The following PTPRG variants were observed in gnomAD, a reference collection of about 807,000 sequenced individuals.
PTPRG encodes receptor-type tyrosine-protein phosphatase gamma.
PTPRG carries 102 observed loss-of-function variants against 165.3 expected under a neutral mutation model. That is an observed-to-expected ratio of 0.62 (90% CI 0.53 to 0.73). PTPRG has a LOEUF of 0.73. PTPRG is among the 30% of genes least tolerant of loss of function. The probability of loss-of-function intolerance (pLI) is 0.00; values close to 1 mark genes in which losing one functional copy is unlikely to be tolerated. For missense variants in PTPRG, 1,866 were observed against 1,861.4 expected (o/e 1.00, Z -0.05); for synonymous variants, 675 against 669.5 (o/e 1.01, Z -0.13).
chr3:62,203,811 C>G lies in PTPRG; in HGVS notation c.2016C>G (p.Thr672=). The change falls in exon 12 of 30, where the codon ACC becomes ACG. Residue 672 remains threonine, a synonymous_variant. Coordinates refer to ENST00000474889, the MANE Select transcript of PTPRG (RefSeq NM_002841.4). This position sits in a 1 kb window ranked among gnomAD's most constrained non-coding sequence, Gnocchi z 6.4. ...CAGGCCTGGACCCCGACATGGTCAC[C>G]TCCACCCAAGTGCCCCCCACCGCCA... The part of the protein sequence containing the change: ...AGPGLDPDMV[T]STQVPPTATE... 1 of 1,613,992 alleles carries G rather than the reference C, an allele frequency of 6.2e-7. No individual in the cohort carries two copies. The highest frequency in any genetic ancestry group is 8.5e-7 in the Non-Finnish European group (1 of 1,179,988).
intron 2 of PTPRG, among the ~76,000 whole-genome samples, chr3:61,757,750 T>C (rs906962404): frequency 3.3e-5 from 5 of 152,220 alleles, no homozygotes; most frequent in Non-Finnish European, 7.3e-5. Context: ...TATATAAATA[T>C]TTTTTTCATA....
intron 2 of PTPRG, among the ~76,000 whole-genome samples, chr3:61,765,197 A>G (rs114078397): frequency 1.4e-4 from 21 of 152,344 alleles, no homozygotes; most frequent in Non-Finnish European, 2.6e-4. Flanking sequence ...ATGGTGTTCA[A>G]TCATCTTTGG....
chr3:61,716,452 A>C (rs1470838383), intron 1 of PTPRG, among the ~76,000 whole-genome samples: 1 of 152,178 alleles, frequency 6.6e-6, no homozygotes, highest in Non-Finnish European at 1.5e-5. Context: ...ATTTTGGATT[A>C]TTAATATTTA....
intron 15 of PTPRG, among the ~76,000 whole-genome samples, chr3:62,248,095 T>C (rs1350045938): frequency 2.0e-5 from 3 of 152,150 alleles, no homozygotes; most frequent in Admixed American, 6.6e-5. Flanking sequence ...TGAATATATA[T>C]GGTGGTTGAG....
At chr3:61,705,079 G>C (rs914998892) in intron 1 of PTPRG, among the ~76,000 whole-genome samples, 2 of 152,060 alleles carry the variant, frequency 1.3e-5, no homozygotes, top group African/African-American at 2.4e-5. Flanking sequence ...TAGCTGCCTG[G>C]GATAAAAAAA....
intron 2 of PTPRG, among the ~76,000 whole-genome samples, chr3:61,768,174 A>T (rs748906452): frequency 6.6e-6 from 1 of 152,120 alleles, no homozygotes; most frequent in Non-Finnish European, 1.5e-5. Flanking sequence ...CAAGACAGAG[A>T]GTTATTCATC....
chr3:61,908,312 G>T (rs1279599706), intron 2 of PTPRG, among the ~76,000 whole-genome samples: 1 of 149,298 alleles, frequency 6.7e-6, no homozygotes, highest in Non-Finnish European at 1.5e-5. Context: ...TGTAGTCCCA[G>T]CTACTCGGGA....
intron 1 of PTPRG, among the ~76,000 whole-genome samples, chr3:61,680,109 G>A (rs990868400): frequency 2.6e-5 from 4 of 152,150 alleles, no homozygotes; most frequent in African/African-American, 9.7e-5. Flanking sequence ...GAACAAAGAC[G>A]TACCTGATGC....
intron 4 of PTPRG, among the ~76,000 whole-genome samples, chr3:62,062,240 T>C (rs1700841269): frequency 6.6e-6 from 1 of 152,212 alleles, no homozygotes; most frequent in Middle Eastern, 3.4e-3. Flanking sequence ...TGGAGGTTGC[T>C]GTGAGCCGAG....
rs1003413802 is a variant in PTPRG at position 62,057,254 on chromosome 3, C to T, written c.520-20909C>T. On this transcript the variant is annotated intron_variant, in intron 4 of 29. Transcript: ENST00000474889. The stretch of plus-strand genomic sequence containing the variant: ...AACCCTGGTGTTTATGGTGAGAAAC[C>T]ACAGCCAATCTCAGCCAACCATTGA... Among the ~76,000 whole-genome samples, 7 of 152,302 alleles carry T rather than the reference C, an allele frequency of 4.6e-5. No individual in the cohort carries two copies. The East Asian group carries it at 1.4e-3, about 29-fold the overall frequency.
intron 1 of PTPRG, among the ~76,000 whole-genome samples, chr3:61,614,158 A>G (rs538997285): frequency 6.6e-6 from 1 of 151,826 alleles, no homozygotes; most frequent in East Asian, 2.0e-4. Flanking sequence ...TCACTCACTC[A>G]CTCACTAGCT....
chr3:61,669,671 G>T (rs376203981), intron 1 of PTPRG, among the ~76,000 whole-genome samples: 44 of 152,138 alleles, frequency 2.9e-4, no homozygotes, highest in African/African-American at 9.4e-4. Context: ...GAACTATGCT[G>T]CACAGGTTTT....
chr3:62,249,604 A>G (rs1253596538), intron 15 of PTPRG, among the ~76,000 whole-genome samples: 3 of 152,136 alleles, frequency 2.0e-5, no homozygotes, highest in Admixed American at 2.0e-4. Context: ...GTATTTATAT[A>G]AATACTCACA....
At chr3:61,692,393 T>C (rs1453706973) in intron 1 of PTPRG, among the ~76,000 whole-genome samples, 1 of 152,210 alleles carries the variant, frequency 6.6e-6, no homozygotes, top group African/African-American at 2.4e-5. Flanking sequence ...GTGTACAAAA[T>C]TGATGTAAGT....
chr3:62,122,687 G>GT lies in PTPRG; in HGVS notation c.616-9912dup, dbSNP rs1470686516. On this transcript the variant is annotated intron_variant, in intron 5 of 29. Transcript: ENST00000474889. ...CTATATCCCAGAATTGATTATCGATGTTTATTTGCTCCATTTGGGGTTCGC... is the reference window on the plus strand; with the variant it reads ...CTATATCCCAGAATTGATTATCGATGTTTTATTTGCTCCATTTGGGGTTCGC... 5.9e-5 allele frequency among the ~76,000 whole-genome samples: 9 copies of GT among 152,282 alleles called. No individual in the cohort carries two copies. The South Asian group carries it at 6.2e-4, about 11-fold the overall frequency.
At chr3:62,239,716 G>T (rs1701116716) in intron 14 of PTPRG, among the ~76,000 whole-genome samples, 1 of 151,990 alleles carries the variant, frequency 6.6e-6, no homozygotes, top group Admixed American at 6.6e-5. Context: ...AGACAATACT[G>T]CCTCCTTAAG....
chr3:61,743,104 C>T (rs1438115483), intron 1 of PTPRG: 15 of 1,474,356 alleles, frequency 1.0e-5, no homozygotes, highest in Non-Finnish European at 1.4e-5. Flanking sequence ...GACTGCTGCT[C>T]ATGGCTTCTC....
chr3:62,198,931 G>C (rs1700034344), intron 10 of PTPRG, among the ~76,000 whole-genome samples: 1 of 152,194 alleles, frequency 6.6e-6, no homozygotes. Context: ...TGGACCCTAG[G>C]TTAAACACTC....
intron 1 of PTPRG, among the ~76,000 whole-genome samples, chr3:61,734,301 G>C (rs1300057511): frequency 6.6e-6 from 1 of 152,028 alleles, no homozygotes; most frequent in Non-Finnish European, 1.5e-5. Flanking sequence ...GTTCCATTAT[G>C]TTAAATATCA....
Sources: gnomAD v4.1 joint callset for allele counts (sites outside exome capture counted in the v4.1 genomes callset) on GRCh38, gnomAD v4.1.1 for gene constraint, Gnocchi (gnomAD v3.1) non-coding constraint, MANE v1.5 for transcripts, NCBI Gene and HGNC (gene_info 2026-07-23, HGNC 2026-07-21) for gene names.